The following C2CD4D variants were observed in gnomAD, a reference collection of about 807,000 sequenced individuals.
C2CD4D encodes C2 calcium-dependent domain-containing protein 4D.
C2CD4D carries 1 observed loss-of-function variant against 0.2 expected under a neutral mutation model. The observed-to-expected ratio is 4.00, with a 90% CI of 1.42 to 18.99. The LOEUF (loss-of-function observed/expected upper bound fraction) is 18.99, where lower values mean the gene tolerates loss of function less well. Ranked by LOEUF, C2CD4D falls within the 30% of genes most tolerant of loss-of-function variation. C2CD4D has a pLI of 0.11. For synonymous variants in C2CD4D, 269 were observed against 279.8 expected (o/e 0.96, Z 0.39); for missense variants, 552 against 551.2 (o/e 1.00, Z -0.01).
exon 2 of C2CD4D, chr1:151,838,557 A>G: frequency 7.6e-7 from 1 of 1,319,228 alleles, no homozygotes; most frequent in Non-Finnish European, 9.6e-7. Flanking sequence ...GAGTCCGGCG[A>G]CGAGGCCGTG....
exon 2 of C2CD4D, chr1:151,838,461 C>T: frequency 7.1e-7 from 1 of 1,399,584 alleles, no homozygotes; most frequent in Non-Finnish European, 9.3e-7. Context: ...CTGGTATCGG[C>T]CGAGCTCGCT....
exon 2 of C2CD4D, chr1:151,838,908 T>G (rs1316257168): frequency 6.5e-7 from 1 of 1,548,428 alleles, no homozygotes; most frequent in South Asian, 1.2e-5. Context: ...GCGCGACGCT[T>G]GGAGAACAGG....
exon 2 of C2CD4D, chr1:151,838,571 C>T (rs1436592910): frequency 1.5e-6 from 2 of 1,315,526 alleles, no homozygotes; most frequent in Admixed American, 8.2e-5. Flanking sequence ...GGCCGTGTCG[C>T]TGTCGGGGGC....
exon 2 of C2CD4D, chr1:151,838,748 G>C: frequency 3.7e-6 from 5 of 1,336,420 alleles, no homozygotes; most frequent in Admixed American, 4.1e-5. Flanking sequence ...GTGAGGCAGC[G>C]AGCAGGTCGC....
At chr1:151,838,708 C>G in exon 2 of C2CD4D, 1 of 1,366,896 alleles carries the variant, frequency 7.3e-7, no homozygotes, top group Non-Finnish European at 9.4e-7. Flanking sequence ...GGCTCTCGGG[C>G]AGGAAGGCCC....
Position 151,839,831 on chromosome 1 carries a change from GC to G in C2CD4D, c.-232+371del, listed in dbSNP as rs554635006. On this transcript the variant is annotated intron_variant, in intron 1 of 1. Transcript: ENST00000454109. ...CCGCATCCCGCGTCTGCAGGGCGGG[GC>G]CGGGCCGTTGGGTCGCCCCTCCTAC... is the stretch of plus-strand genomic sequence containing the variant. Among the ~76,000 whole-genome samples, 23 of 152,316 alleles carry G rather than the reference GC, an allele frequency of 1.5e-4. No individual in the cohort carries two copies. The highest frequency in any genetic ancestry group is 5.5e-4 in the African/African-American group (23 of 41,582).
At position 151,838,736 on chromosome 1, in the gene C2CD4D, AG is replaced by A. The variant is rs1652671221; in HGVS notation, c.253del (p.Leu85TrpfsTer154). ...GAAGGCCCAGCCTTCGCGGCCCGCC[AG>A]GTGAGGCAGCGAGCAGGTCGCGGGG... On this transcript the variant is annotated frameshift_variant, in exon 2 of 2. Transcript: ENST00000454109. LOFTEE classifies it low-confidence loss of function (END_TRUNC). 7.5e-7 allele frequency: 1 copy of A among 1,331,060 alleles called. No homozygotes were observed. The highest frequency in any genetic ancestry group is 9.6e-7 in the Non-Finnish European group (1 of 1,045,482). The allele number at this position is 1,331,060 out of a possible 1,614,324, so 82.5% of individuals were successfully genotyped here. A position where few individuals can be genotyped will look rare whatever the true frequency, so the allele number is the denominator to read the frequency against.
At chr1:151,838,535 C>T in exon 2 of C2CD4D, 5 of 1,337,466 alleles carry the variant, frequency 3.7e-6, no homozygotes, top group South Asian at 1.9e-5. Flanking sequence ...CCGCGGGGAG[C>T]CGAAGGGCGA....
rs117866930 is a variant in C2CD4D at position 151,838,001 on chromosome 1, A to G, written c.989T>C (p.Ile330Thr). 1,238 of 1,550,970 alleles carry G rather than the reference A, an allele frequency of 8.0e-4. 9 individuals carry two copies. The East Asian group carries it at 0.025, about 32-fold the overall frequency. ...CCCACCCAGCGGGGGCAGCAGCGCAATGAGGGGCGTCTCGCACTCCCCCAG... is the reference window on the plus strand; with the variant it reads ...CCCACCCAGCGGGGGCAGCAGCGCAGTGAGGGGCGTCTCGCACTCCCCCAG... The change falls in exon 2 of 2, where the codon ATT (isoleucine) becomes ACT (threonine). Residue 330 changes from isoleucine (I) to threonine (T), a missense_variant. Coordinates refer to ENST00000454109, the Ensembl canonical transcript of C2CD4D.
At chr1:151,838,348 C>T (rs532665002) in exon 2 of C2CD4D, 15,751 of 1,423,024 alleles carry the variant, frequency 0.011, 107 homozygotes, top group Non-Finnish European at 0.013. Context: ...CGCGGGGCCC[C>T]AGGCGCAGCA....
chr1:151,839,146 C>T (rs1652698786), exon 2 of C2CD4D: 1 of 775,916 alleles, frequency 1.3e-6, no homozygotes, highest in South Asian at 2.0e-5. Context: ...AGCCACCGCG[C>T]CCCGGTCTCC....
chr1:151,838,352 C>A, exon 2 of C2CD4D: 1 of 1,428,412 alleles, frequency 7.0e-7, no homozygotes, highest in South Asian at 1.5e-5. Context: ...GGGCCCCAGG[C>A]GCAGCACGCT....
intron 1 of C2CD4D, 23 bp from the exon 2 acceptor site, chr1:151,839,243 A>C: frequency 1.9e-6 from 1 of 524,208 alleles, no homozygotes; most frequent in Non-Finnish European, 3.4e-6. Flanking sequence ...GGAGGGAGCA[A>C]AGGGCCAGTC....
At chr1:151,838,464 A>G in exon 2 of C2CD4D, 1 of 1,396,028 alleles carries the variant, frequency 7.2e-7, no homozygotes, top group Non-Finnish European at 9.3e-7. Context: ...GTATCGGCCG[A>G]GCTCGCTTTT....
chr1:151,838,465 G>A lies in C2CD4D; in HGVS notation c.525C>T (p.Ser175=), dbSNP rs548301743. The A allele has an allele frequency of 3.2e-3, 4,462 of 1,397,576 alleles. 11 individuals are homozygous for A. Among genetic ancestry groups the A allele is most frequent in the Non-Finnish European group, 3.8e-3 (4,154 of 1,079,384 alleles). The allele number at this position is 1,397,576 out of a possible 1,614,324, so 86.6% of individuals were successfully genotyped here. ...GCGAGTGCGGGCTGGTATCGGCCGA[G>A]CTCGCTTTTTCTGGGGACAGAGAGT... is the stretch of plus-strand genomic sequence containing the variant. Residue 175 remains serine, a synonymous_variant, in exon 2 of 2, where the codon AGC becomes AGT. Coordinates refer to ENST00000454109, the Ensembl canonical transcript of C2CD4D.
exon 2 of C2CD4D, chr1:151,839,062 G>C: frequency 6.8e-7 from 1 of 1,478,232 alleles, no homozygotes; most frequent in Non-Finnish European, 9.2e-7. Flanking sequence ...AGATGGGAGT[G>C]CTCGGCGGAG....
At chr1:151,838,352 C>G in exon 2 of C2CD4D, 1 of 1,428,412 alleles carries the variant, frequency 7.0e-7, no homozygotes, top group Non-Finnish European at 9.2e-7. Context: ...GGGCCCCAGG[C>G]GCAGCACGCT....
At chr1:151,839,907 G>A (rs1364404365) in intron 1 of C2CD4D, among the ~76,000 whole-genome samples, 87 bp from the exon 1 acceptor site, 2 of 152,136 alleles carry the variant, frequency 1.3e-5, no homozygotes, top group African/African-American at 4.8e-5. Context: ...AGGCAGCATT[G>A]ATTCTCCGCC....
chr1:151,840,508 A>G (rs1652756790), exon 1 of C2CD4D: 1 of 152,232 alleles, frequency 6.6e-6, no homozygotes, highest in Non-Finnish European at 1.5e-5. Flanking sequence ...AGCCATTCCA[A>G]TAGCTCCAAG....
Sources: allele counts gnomAD v4.1 joint callset (sites outside exome capture counted in the v4.1 genomes callset), GRCh38; gene constraint gnomAD v4.1.1; transcripts MANE v1.5; gene names NCBI Gene and HGNC (gene_info 2026-07-23, HGNC 2026-07-21).